Variants in GNAL observed in about 807,000 individuals in gnomAD.
GNAL encodes the protein G protein subunit alpha L, also known as guanine nucleotide-binding protein G(olf) subunit alpha.
Under a neutral mutation model 55.1 loss-of-function variants are expected in GNAL, and 18 were observed. That is an observed-to-expected ratio of 0.33 (90% CI 0.23 to 0.48). The LOEUF (loss-of-function observed/expected upper bound fraction) is 0.48, where lower values mean the gene tolerates loss of function less well. GNAL is among the 20% of genes least tolerant of loss of function. The pLI, the probability that GNAL is intolerant of heterozygous loss-of-function variation, is 0.99. For synonymous variants in GNAL, 253 were observed against 237.0 expected, an observed-to-expected ratio of 1.07 and a Z score of -0.62; for missense variants, 412 against 614.1, an observed-to-expected ratio of 0.67 and a Z score of 3.48.
At chr18:11,692,848 C>T (rs1168677178) in intron 1 of GNAL, among the ~76,000 whole-genome samples, 6 of 152,066 alleles carry the variant, frequency 3.9e-5, no homozygotes, top group South Asian at 4.1e-4. Context: ...AGTCTCACTA[C>T]GCTGGCCAGG....
chr18:11,765,327 G>T (rs1369958659), intron 4 of GNAL, among the ~76,000 whole-genome samples: 2 of 152,166 alleles, frequency 1.3e-5, no homozygotes, highest in African/African-American at 4.8e-5. Flanking sequence ...GGGTACGTGT[G>T]ATATTTTGAT....
intron 6 of GNAL, among the ~76,000 whole-genome samples, chr18:11,863,561 G>A (rs1008686672): frequency 7.2e-5 from 11 of 151,980 alleles, no homozygotes; most frequent in South Asian, 2.1e-4. Context: ...AACAGTTCTC[G>A]TTATACTAAA....
intron 5 of GNAL, among the ~76,000 whole-genome samples, chr18:11,835,940 T>A (rs111875810): frequency 7.3e-5 from 11 of 150,722 alleles, no homozygotes; most frequent in African/African-American, 2.7e-4. Context: ...AGTCCAAAAG[T>A]TTGAGACCAG....
chr18:11,735,022 G>A (rs1454454932), intron 1 of GNAL, among the ~76,000 whole-genome samples: 3 of 149,274 alleles, frequency 2.0e-5, no homozygotes, highest in Non-Finnish European at 4.4e-5. Context: ...AGGATTGGTG[G>A]GCATTTGATA....
chr18:11,846,259 A>AT (rs2035732290), intron 5 of GNAL, among the ~76,000 whole-genome samples: 1 of 152,118 alleles, frequency 6.6e-6, no homozygotes, highest in Non-Finnish European at 1.5e-5. Context: ...TAGGTTTCTC[A>AT]TAACAGTATT....
intron 9 of GNAL, among the ~76,000 whole-genome samples, chr18:11,869,868 C>T (rs1384435425): frequency 2.0e-5 from 3 of 152,118 alleles, no homozygotes; most frequent in African/African-American, 7.2e-5. Context: ...GCGATTGCAT[C>T]ACTGCACGTC....
At chr18:11,807,373 C>A (rs986503523) in intron 4 of GNAL, among the ~76,000 whole-genome samples, 2 of 151,848 alleles carry the variant, frequency 1.3e-5, no homozygotes, top group African/African-American at 4.8e-5. Context: ...GAGGCTGTGG[C>A]CATAACTGCG....
At chr18:11,851,815 A>T (rs1158139986) in intron 5 of GNAL, 1 of 1,614,002 alleles carries the variant, frequency 6.2e-7, no homozygotes. Flanking sequence ...GATGGATGCG[A>T]CATTGAAGAC....
At chr18:11,855,096 TTTG>T (rs957562815) in intron 5 of GNAL, among the ~76,000 whole-genome samples, 21 of 151,804 alleles carry the variant, frequency 1.4e-4, no homozygotes, top group African/African-American at 2.2e-4. Context: ...AATTTTTGTT[TTTG>T]TTGTTGTTGT....
At chr18:11,724,641 C>T (rs2032172663) in intron 1 of GNAL, among the ~76,000 whole-genome samples, 1 of 152,208 alleles carries the variant, frequency 6.6e-6, no homozygotes, top group Non-Finnish European at 1.5e-5. Context: ...ATTTGGGCCA[C>T]TTCTGCATAT....
intron 5 of GNAL, among the ~76,000 whole-genome samples, chr18:11,840,929 A>T: frequency 6.8e-6 from 1 of 146,404 alleles, no homozygotes; most frequent in African/African-American, 2.6e-5. Context: ...GACTGGAGTC[A>T]GTGCTACGAT....
In GNAL at chr18:11,876,513, A is replaced by G. The variant is rs2036536360; in HGVS notation, c.1163-108A>G. ...TTTGCCTTGCTGTACATGTATTTTA[A>G]TGCTGGGAATATACAGCAGTCTAAC... On this transcript the variant is annotated intron_variant, in intron 10 of 11. Coordinates refer to ENST00000334049, the MANE Select transcript of GNAL (RefSeq NM_182978.4). 3 of 746,570 alleles carry G rather than the reference A, an allele frequency of 4.0e-6. No homozygotes were observed. In the South Asian group the frequency reaches 4.5e-5, roughly 11 times the overall value. 46.2% of individuals were successfully genotyped at this position (746,570 alleles called of 1,614,324 possible). A position where few individuals can be genotyped will look rare whatever the true frequency, so the allele number is the denominator to read the frequency against.
At chr18:11,791,696 C>CA (rs2034242337) in intron 4 of GNAL, among the ~76,000 whole-genome samples, 1 of 152,156 alleles carries the variant, frequency 6.6e-6, no homozygotes, top group Non-Finnish European at 1.5e-5. Context: ...TAGGTGCAAT[C>CA]ATCTAGACTG....
At chr18:11,804,976 AT>A (rs1381168007) in intron 4 of GNAL, among the ~76,000 whole-genome samples, 3 of 147,362 alleles carry the variant, frequency 2.0e-5, no homozygotes, top group African/African-American at 7.5e-5. Context: ...TGAGTGGAAC[AT>A]GGAGATACTG....
chr18:11,745,147 C>T (rs538889592), intron 1 of GNAL, among the ~76,000 whole-genome samples: 1 of 152,230 alleles, frequency 6.6e-6, no homozygotes, highest in Admixed American at 6.5e-5. Flanking sequence ...TTAATGTATC[C>T]ACCGTCTTGT....
At position 11,857,813 on chromosome 18, in the gene GNAL, G is replaced by T. The variant is rs1398527107; in HGVS notation, c.723-4582G>T. The T allele has an allele frequency of 1.3e-5, 10 of 794,480 alleles. No homozygotes were observed. The East Asian group carries it at 1.1e-3, about 90-fold the overall frequency. The allele number at this position is 794,480 out of a possible 1,614,324, so 49.2% of individuals were successfully genotyped here. A position where few individuals can be genotyped will look rare whatever the true frequency, so the allele number is the denominator to read the frequency against. On this transcript the variant is annotated intron_variant, in intron 5 of 11. Transcript: ENST00000334049. ...GAGTAATGTTTTTCTCCACCAGTAC[G>T]AACTCCTGGGCTCCAGTGATCCTGC... is the stretch of plus-strand genomic sequence containing the variant.
intron 10 of GNAL, among the ~76,000 whole-genome samples, chr18:11,874,723 C>T (rs969822862): frequency 4.7e-5 from 7 of 149,926 alleles, no homozygotes; most frequent in African/African-American, 1.5e-4. Context: ...TGACCCCCAC[C>T]CCCGCCAAGA....
At chr18:11,871,135 T>C (rs1223225177) in intron 9 of GNAL, among the ~76,000 whole-genome samples, 1 of 152,216 alleles carries the variant, frequency 6.6e-6, no homozygotes, top group African/African-American at 2.4e-5. Context: ...TTGATTTTTT[T>C]CTGTATGTTT....
chr18:11,731,591 TC>T (rs1345133245), intron 1 of GNAL, among the ~76,000 whole-genome samples: 1 of 152,210 alleles, frequency 6.6e-6, no homozygotes, highest in Non-Finnish European at 1.5e-5. Flanking sequence ...AACGTAGAAA[TC>T]CCACTGCGCA....
Sources: gnomAD v4.1 joint callset for allele counts (sites outside exome capture counted in the v4.1 genomes callset) on GRCh38, gnomAD v4.1.1 for gene constraint, MANE v1.5 for transcripts, NCBI Gene and HGNC (gene_info 2026-07-23, HGNC 2026-07-21) for gene names.